Variants in STPG2 observed in about 807,000 individuals in gnomAD.
The protein encoded by STPG2 is sperm-tail PG-rich repeat-containing protein 2.
STPG2 carries 56 observed loss-of-function variants against 54.2 expected under a neutral mutation model. The observed-to-expected ratio is 1.03, with a 90% CI of 0.83 to 1.29. The LOEUF is 1.29. STPG2 is among the 50% of genes most tolerant of loss of function. The probability of loss-of-function intolerance (pLI) is 0.00; values close to 1 mark genes in which losing one functional copy is unlikely to be tolerated. For synonymous variants in STPG2, 200 were observed against 181.8 expected, an observed-to-expected ratio of 1.10 and a Z score of -0.81; for missense variants, 596 against 544.9, an observed-to-expected ratio of 1.09 and a Z score of -0.93.
chr4:97,895,137 A>G (rs1184677668), intron 8 of STPG2, among the ~76,000 whole-genome samples: 3 of 151,978 alleles, frequency 2.0e-5, no homozygotes, highest in African/African-American at 4.8e-5. Flanking sequence ...AGCAATTGCA[A>G]TAAAGTATGA....
chr4:97,555,912 ATATTTATCATTCCACAAAGG>A (rs1434563907), downstream of STPG2, among the ~76,000 whole-genome samples: 7 of 152,088 alleles, frequency 4.6e-5, no homozygotes, highest in Non-Finnish European at 7.4e-5. Flanking sequence ...TCAGCTACAT[ATATTTATCATTCCACAAAGG>A]TATTTATCAT....
At chr4:97,893,494 A>G (rs762868711) in intron 8 of STPG2, among the ~76,000 whole-genome samples, 4 of 152,082 alleles carry the variant, frequency 2.6e-5, no homozygotes, top group Non-Finnish European at 5.9e-5. Context: ...CACTCCTAGA[A>G]GTTGTAAGGG....
intron 4 of STPG2, among the ~76,000 whole-genome samples, chr4:97,451,823 C>T (rs1004205235): frequency 2.6e-5 from 4 of 151,996 alleles, no homozygotes; most frequent in African/African-American, 9.7e-5. Flanking sequence ...ACTCAAATTC[C>T]CATAGAAATT....
chr4:97,531,595 G>A (rs896510237), intron 4 of STPG2, among the ~76,000 whole-genome samples: 34 of 152,144 alleles, frequency 2.2e-4, no homozygotes, highest in African/African-American at 8.2e-4. Context: ...TGTTATGTGA[G>A]ATAAGCCAGG....
chr4:97,691,326 G>A (rs1401072832), intron 10 of STPG2, among the ~76,000 whole-genome samples: 1 of 152,126 alleles, frequency 6.6e-6, no homozygotes, highest in Non-Finnish European at 1.5e-5. Flanking sequence ...CTGTGCTGTT[G>A]TGGGGGCATG....
chr4:97,829,891 C>T (rs516564), intron 9 of STPG2, among the ~76,000 whole-genome samples: 24,490 of 151,984 alleles, frequency 0.16, 2,140 homozygotes, highest in East Asian at 0.36. Flanking sequence ...AACAAATCTA[C>T]GTTTGTTAGG....
intron 8 of STPG2, among the ~76,000 whole-genome samples, chr4:97,904,349 T>C (rs1731312237): frequency 6.6e-6 from 1 of 152,102 alleles, no homozygotes; most frequent in African/African-American, 2.4e-5. Flanking sequence ...GACTGACACC[T>C]CACACGGCTG....
intron 9 of STPG2, among the ~76,000 whole-genome samples, chr4:97,747,543 A>G (rs1057335823): frequency 2.0e-5 from 3 of 151,328 alleles, no homozygotes; most frequent in Non-Finnish European, 4.4e-5. Flanking sequence ...TTTCTTTGCC[A>G]ATTCTCTGGC....
chr4:97,509,451 A>C (rs1037506887), intron 4 of STPG2, among the ~76,000 whole-genome samples: 3 of 152,154 alleles, frequency 2.0e-5, no homozygotes, highest in Non-Finnish European at 2.9e-5. Flanking sequence ...GCCTTAACAT[A>C]AACCATAAAG....
At chr4:97,907,848 A>T (rs1006243386) in intron 8 of STPG2, among the ~76,000 whole-genome samples, 1 of 152,066 alleles carries the variant, frequency 6.6e-6, no homozygotes, top group East Asian at 1.9e-4. Context: ...CCTTCCTTAC[A>T]CCTTATACAA....
In STPG2 at chr4:97,885,700, A is replaced by C. The variant is rs564178053; in HGVS notation, c.1045-44768T>G. Among the ~76,000 whole-genome samples the C allele has an allele frequency of 3.9e-5, 6 of 152,320 alleles. No individual in the cohort carries two copies. In the South Asian group the frequency reaches 1.0e-3, roughly 26 times the overall value. On this transcript the variant is annotated intron_variant, in intron 8 of 10. Transcript: ENST00000295268. ...TCATGGATGTGAATTCCACAAATAC[A>C]ATGGGCCAGCATTTGTAAACATAGT...
intron 5 of STPG2, among the ~76,000 whole-genome samples, chr4:98,086,678 A>G (rs1456414017): frequency 2.0e-5 from 3 of 150,916 alleles, no homozygotes; most frequent in Non-Finnish European, 4.4e-5. Context: ...AAAAAAAAAA[A>G]AAAAAAAAAG....
At chr4:97,996,592 C>CT (rs150498304) in intron 5 of STPG2, among the ~76,000 whole-genome samples, 1 of 151,626 alleles carries the variant, frequency 6.6e-6, no homozygotes, top group Non-Finnish European at 1.5e-5. Flanking sequence ...GCAACAAAAA[C>CT]AAAGAGCTCT....
intron 9 of STPG2, among the ~76,000 whole-genome samples, chr4:97,734,665 G>A (rs1423396891): frequency 2.0e-5 from 3 of 151,938 alleles, no homozygotes; most frequent in Non-Finnish European, 2.9e-5. Context: ...GATCAAATGT[G>A]GTGCAGGAAA....
rs1263413632 is a variant in STPG2 at position 98,143,402 on chromosome 4, T to G, written c.-252A>C. 1.3e-5 allele frequency among the ~76,000 whole-genome samples: 2 copies of G among 152,100 alleles called. No individual in the cohort carries two copies. Among genetic ancestry groups the G allele is most frequent in the Non-Finnish European group, 2.9e-5 (2 of 68,018 alleles). ...ACTAGAGATTAGACGTCCCACACAA[T>G]CATCAGTTTGCCAGGTGCACGCCAC... On this transcript the variant is annotated 5_prime_UTR_variant, in exon 1 of 11. Coordinates refer to ENST00000295268, the MANE Select transcript of STPG2 (RefSeq NM_174952.3).
intron 8 of STPG2, among the ~76,000 whole-genome samples, chr4:97,845,435 T>C (rs1728920177): frequency 6.6e-6 from 1 of 152,166 alleles, no homozygotes; most frequent in Admixed American, 6.6e-5. Context: ...TCTAAATAAA[T>C]AGAATAGGTT....
chr4:98,069,285 G>GT (rs1243950097), intron 5 of STPG2, among the ~76,000 whole-genome samples: 1 of 136,546 alleles, frequency 7.3e-6, no homozygotes, highest in Admixed American at 7.2e-5. Flanking sequence ...TTGTTTTTAA[G>GT]TTTTTTTAGA....
intron 10 of STPG2, among the ~76,000 whole-genome samples, chr4:97,590,046 C>T (rs1462688616): frequency 6.6e-6 from 1 of 152,100 alleles, no homozygotes; most frequent in East Asian, 1.9e-4. Context: ...CAAAACTTAG[C>T]ATCAGATCAT....
In STPG2 at chr4:97,971,850, C is replaced by T. The variant is rs191178647; in HGVS notation, c.933+430G>A. 1.1e-3 allele frequency among the ~76,000 whole-genome samples: 158 copies of T among 145,852 alleles called. 2 individuals carry two copies. Among genetic ancestry groups the T allele is most frequent in the Admixed American group, 0.01 (152 of 14,706 alleles). On this transcript the variant is annotated intron_variant, in intron 7 of 10. Coordinates refer to ENST00000295268, the MANE Select transcript of STPG2 (RefSeq NM_174952.3). ...ATCATAATTTAAAAAAATAGAATCC[C>T]GTATGTCACACAGAACTTTCTCCAT...
Sources: allele counts gnomAD v4.1 joint callset (sites outside exome capture counted in the v4.1 genomes callset), GRCh38; gene constraint gnomAD v4.1.1; transcripts MANE v1.5; gene names NCBI Gene and HGNC (gene_info 2026-07-23, HGNC 2026-07-21).